Variants in PPP2R5C observed in about 807,000 individuals in gnomAD.
The protein encoded by PPP2R5C is protein phosphatase 2 regulatory subunit B'gamma.
In PPP2R5C, 7 loss-of-function variants were observed where a neutral mutation model predicts 68.9. The observed-to-expected ratio is 0.10, with a 90% CI of 0.06 to 0.19. PPP2R5C has a LOEUF of 0.19. PPP2R5C is among the 10% of genes least tolerant of loss of function. The pLI is 1.00. For missense variants in PPP2R5C, 348 were observed against 641.3 expected (o/e 0.54, Z 4.94); for synonymous variants, 210 against 222.2 (o/e 0.95, Z 0.49).
chr14:101,789,542 A>G (rs1468399128), intron 3 of PPP2R5C: 1 of 152,162 alleles, frequency 6.6e-6, no homozygotes, highest in Non-Finnish European at 1.5e-5. Flanking sequence ...ATATCTTTGC[A>G]TTTTGTCAGT....
chr14:101,809,572 TTTTTTTG>T (rs2039228114), upstream of PPP2R5C, among the ~76,000 whole-genome samples: 1 of 147,672 alleles, frequency 6.8e-6, no homozygotes, highest in African/African-American at 2.5e-5. Flanking sequence ...TTTTTTTTTT[TTTTTTTG>T]GTGGCTCCCT....
chr14:101,922,125 T>G, intron 13 of PPP2R5C: 11 of 985,380 alleles, frequency 1.1e-5, no homozygotes, highest in Non-Finnish European at 1.3e-5. Flanking sequence ...CGAGTTAACG[T>G]GGACATGAAG....
At chr14:101,810,472 A>G (rs1156876687) in intron 1 of PPP2R5C, among the ~76,000 whole-genome samples, 1 of 152,232 alleles carries the variant, frequency 6.6e-6, no homozygotes, top group African/African-American at 2.4e-5. Flanking sequence ...ACATCTCAGA[A>G]TTAAAGATGA....
intron 2 of PPP2R5C, among the ~76,000 whole-genome samples, chr14:101,872,479 C>A (rs769743020): frequency 2.3e-4 from 35 of 152,058 alleles, no homozygotes; most frequent in Non-Finnish European, 1.5e-5. Context: ...CTCAAGCAGT[C>A]CTTTCATCTT....
At position 101,825,230 on chromosome 14, in the gene PPP2R5C, G is replaced by GTGTT. The variant is rs1272938425; in HGVS notation, c.94+15197_94+15198insTTGT. ...TTTCAGCGTGTGTGTGTGTGTGTGT[G>GTGTT]TGTGTGTGTGTGTGTGTGTTGATGA... On this transcript the variant is annotated intron_variant, in intron 1 of 13. Transcript: ENST00000334743. The surrounding 1 kb of genome is among the most constrained non-coding windows in gnomAD (Gnocchi z 4.0). 5.8e-4 allele frequency among the ~76,000 whole-genome samples: 88 copies of GTGTT among 151,840 alleles called. No individual in the cohort carries two copies. The highest frequency in any genetic ancestry group is 2.0e-3 in the African/African-American group (83 of 41,354).
Position 101,906,260 on chromosome 14 carries a change from T to C in PPP2R5C, c.1024-142T>C. The C allele has an allele frequency of 4.2e-6, 4 of 944,522 alleles. No homozygotes were observed. The highest frequency in any genetic ancestry group is 6.2e-6 in the Non-Finnish European group (4 of 642,398). The allele number at this position is 944,522 out of a possible 1,614,324, so 58.5% of individuals were successfully genotyped here. On this transcript the variant is annotated intron_variant, in intron 9 of 13. Coordinates refer to ENST00000334743, the Ensembl canonical transcript of PPP2R5C. This position sits in a 1 kb window ranked among gnomAD's most constrained non-coding sequence, Gnocchi z 4.0. ...CTCTTCAGGGTTACAGGTTACAGTC[T>C]AGAATATTTTGAATTTGTAGAAATA... is the stretch of plus-strand genomic sequence containing the variant.
chr14:101,844,796 A>G (rs1199939521), intron 1 of PPP2R5C, among the ~76,000 whole-genome samples: 1 of 152,182 alleles, frequency 6.6e-6, no homozygotes, highest in Non-Finnish European at 1.5e-5. Flanking sequence ...CTTCTTGTCA[A>G]ATGTTAAGAG....
chr14:101,878,203 ACCCTT>A (rs2043913926), intron 2 of PPP2R5C, among the ~76,000 whole-genome samples: 1 of 152,058 alleles, frequency 6.6e-6, no homozygotes, highest in South Asian at 2.1e-4. Flanking sequence ...GACTTCATTC[ACCCTT>A]CATTATTTTC....
In PPP2R5C at chr14:101,857,513, C is replaced by T. The variant is rs1202985874; in HGVS notation, c.294+628C>T. On this transcript the variant is annotated intron_variant, in intron 2 of 13. Coordinates refer to ENST00000334743, the Ensembl canonical transcript of PPP2R5C. ...TCCTCTGTCATTCCTCTATCAATGA[C>T]AGTATGTCCTGACTGGCTGAAATAG... 2.0e-5 allele frequency among the ~76,000 whole-genome samples: 3 copies of T among 152,368 alleles called. No homozygotes were observed. In the South Asian group the frequency reaches 6.2e-4, roughly 32 times the overall value.
rs144809147 is a variant in PPP2R5C, at chr14:101,903,192, G to A, written c.1023+1303G>A. Among the ~76,000 whole-genome samples the A allele has an allele frequency of 1.2e-3, 187 of 152,216 alleles. 2 individuals are homozygous for A. The highest frequency in any genetic ancestry group is 5.6e-3 in the South Asian group (27 of 4,828). On this transcript the variant is annotated intron_variant, in intron 9 of 13. Coordinates refer to ENST00000334743, the Ensembl canonical transcript of PPP2R5C. ...GTATGCCAAGGAGAGACTGGCAGTC[G>A]TGGGAAGTGTCCCAAAAACTTGAGC...
chr14:101,859,796 C>T (rs1055849565), intron 2 of PPP2R5C, among the ~76,000 whole-genome samples: 2 of 152,174 alleles, frequency 1.3e-5, no homozygotes, highest in Admixed American at 6.5e-5. Flanking sequence ...CAGCTTAGAG[C>T]CCCTGTGTGC....
chr14:101,867,681 G>A (rs1423019118), intron 2 of PPP2R5C, among the ~76,000 whole-genome samples: 1 of 152,058 alleles, frequency 6.6e-6, no homozygotes, highest in Non-Finnish European at 1.5e-5. Flanking sequence ...GGGAGGCTGA[G>A]GCAGAAGGAT....
intron 5 of PPP2R5C, among the ~76,000 whole-genome samples, chr14:101,884,837 C>T (rs1277251467): frequency 6.6e-6 from 1 of 152,220 alleles, no homozygotes; most frequent in African/African-American, 2.4e-5. Flanking sequence ...GGGCAGCCAC[C>T]ATGTCAGTTG....
At chr14:101,829,107 C>T (rs765596018) in intron 1 of PPP2R5C, among the ~76,000 whole-genome samples, 3 of 151,986 alleles carry the variant, frequency 2.0e-5, no homozygotes, top group Non-Finnish European at 2.9e-5. Context: ...GTCTGGTTGG[C>T]GTGTTCCTGG....
chr14:101,919,969 C>CCAAAAAAAAAAAAAAAAAAAA (rs775818748), intron 13 of PPP2R5C, among the ~76,000 whole-genome samples: 4 of 52,880 alleles, frequency 7.6e-5, no homozygotes, highest in East Asian at 6.0e-4. Flanking sequence ...AACTCCGTCT[C>CCAAAAAAAAAAAAAAAAAAAA]AAAAAAAAAA....
intron 1 of PPP2R5C, among the ~76,000 whole-genome samples, chr14:101,811,623 A>C (rs552404598): frequency 7.3e-4 from 111 of 152,312 alleles, no homozygotes; most frequent in African/African-American, 2.6e-3. Flanking sequence ...GATTACAGGT[A>C]AGAGCCACTG....
chr14:101,834,778 T>C (rs1408741021), intron 1 of PPP2R5C, among the ~76,000 whole-genome samples: 1 of 152,062 alleles, frequency 6.6e-6, no homozygotes, highest in Non-Finnish European at 1.5e-5. Flanking sequence ...AAATCAACTC[T>C]AATTGACTAC....
At chr14:101,857,957 G>A (rs1010304523) in intron 2 of PPP2R5C, among the ~76,000 whole-genome samples, 6 of 151,970 alleles carry the variant, frequency 3.9e-5, no homozygotes, top group Admixed American at 1.3e-4. Flanking sequence ...AATGTTCTTC[G>A]TTGTAGTTCA....
intron 1 of PPP2R5C, among the ~76,000 whole-genome samples, chr14:101,852,564 G>A (rs1394915312): frequency 6.6e-6 from 1 of 150,568 alleles, no homozygotes; most frequent in Non-Finnish European, 1.5e-5. Context: ...AGCCTCCCGG[G>A]TTCAAGCGAT....
Sources: allele counts gnomAD v4.1 joint callset (sites outside exome capture counted in the v4.1 genomes callset), GRCh38; gene constraint gnomAD v4.1.1; non-coding constraint Gnocchi (gnomAD v3.1); transcripts MANE v1.5; gene names NCBI Gene and HGNC (gene_info 2026-07-23, HGNC 2026-07-21).